The following CROCC2 variants were observed in gnomAD, a reference collection of about 807,000 sequenced individuals.
CROCC2 encodes the protein ciliary rootlet coiled-coil protein 2.
A neutral mutation model predicts 177.6 loss-of-function variants in CROCC2; 163 were observed. The ratio of observed to expected loss-of-function variants is 0.92; its 90% CI spans 0.81 to 1.05. CROCC2 has a LOEUF of 1.05. Ranked by LOEUF, CROCC2 falls within the 50% of genes least tolerant of loss-of-function variation. The probability of loss-of-function intolerance (pLI) is 0.00; values close to 1 mark genes in which losing one functional copy is unlikely to be tolerated. For missense variants in CROCC2, 1,929 were observed against 1,797.8 expected (o/e 1.07, Z -1.32); for synonymous variants, 904 against 787.3 (o/e 1.15, Z -2.48).
intron 20 of CROCC2, 63 bp from the exon 21 acceptor site, chr2:240,963,493 C>T: frequency 6.9e-7 from 1 of 1,439,510 alleles, no homozygotes; most frequent in South Asian, 1.4e-5. Flanking sequence ...GCCACAGGCC[C>T]CTGTGGCTAT....
chr2:240,970,301 T>A (rs1441637275), intron 27 of CROCC2, among the ~76,000 whole-genome samples: 6 of 152,228 alleles, frequency 3.9e-5, no homozygotes, highest in Non-Finnish European at 8.8e-5. Context: ...TTTTTTGGTG[T>A]TTGTGGTTTC....
At position 240,949,157 on chromosome 2, in the gene CROCC2, G is replaced by A. The variant is rs1350385055; in HGVS notation, c.2482+60G>A. On this transcript the variant is annotated intron_variant, in intron 16 of 31. Transcript: ENST00000690015. This position sits in a 1 kb window ranked among gnomAD's most constrained non-coding sequence, Gnocchi z 4.5. ...AAAGTCAGCCATGGAGGGGCCCCTG[G>A]AATGGAGCTCAGTGCCCACACGTGC... 1 of 1,472,432 alleles carries A rather than the reference G, an allele frequency of 6.8e-7. No homozygotes were observed. Among genetic ancestry groups the A allele is most frequent in the Non-Finnish European group, 9.0e-7 (1 of 1,114,570 alleles). The allele number at this position is 1,472,432 out of a possible 1,614,324, so 91.2% of individuals were successfully genotyped here.
At chr2:240,951,178 T>C (rs1277748116) in intron 18 of CROCC2, among the ~76,000 whole-genome samples, 1 of 150,906 alleles carries the variant, frequency 6.6e-6, no homozygotes, top group Non-Finnish European at 1.5e-5. Context: ...TACCCATTCA[T>C]CCATCCATCT....
At chr2:240,984,347 C>A (rs1477633399) in intron 28 of CROCC2, among the ~76,000 whole-genome samples, 1 of 152,006 alleles carries the variant, frequency 6.6e-6, no homozygotes, top group Non-Finnish European at 1.5e-5. Flanking sequence ...GGGCGCACAG[C>A]CGCCAGGTCG....
In CROCC2 at chr2:240,949,621, GC is replaced by G; in HGVS notation, c.2572del (p.Gln858ArgfsTer30). 6.4e-7 allele frequency: 1 copy of G among 1,550,504 alleles called. No homozygotes were observed. ...TVRLQRQVAQ[Q>X]EREAQRALES... The stretch of plus-strand genomic sequence containing the variant: ...TGCGGCTCCAGCGACAGGTGGCACA[GC>G]AGGAGCGGGAGGCACAGCGGGCCCT... On this transcript the variant is annotated frameshift_variant, in exon 17 of 32. Transcript: ENST00000690015. LOFTEE classifies it high-confidence loss of function. This position sits in a 1 kb window ranked among gnomAD's most constrained non-coding sequence, Gnocchi z 4.5.
At chr2:240,966,923 T>A (rs1289156211) in intron 25 of CROCC2, among the ~76,000 whole-genome samples, 1 of 151,662 alleles carries the variant, frequency 6.6e-6, no homozygotes, top group African/African-American at 2.4e-5. Flanking sequence ...GGGTCCTCTG[T>A]GCACACTCCT....
Position 240,933,699 on chromosome 2 carries a change from A to G in CROCC2, c.1493A>G (p.Glu498Gly). Residue 498 changes from glutamate to glycine, a missense_variant, in exon 11 of 32, where the codon GAG (glutamate) becomes GGG (glycine). Transcript: ENST00000690015. ...REKAALEMVV[E>G]ELKGKADAAD... ...AAGGCTGCTCTGGAGATGGTGGTGGAGGAGCTGAAAGGGAAGGCAGATGCT... is the reference window on the plus strand; with the variant it reads ...AAGGCTGCTCTGGAGATGGTGGTGGGGGAGCTGAAAGGGAAGGCAGATGCT... 1 of 1,550,310 alleles carries G rather than the reference A, an allele frequency of 6.5e-7. No individual in the cohort carries two copies. The highest frequency in any genetic ancestry group is 8.7e-7 in the Non-Finnish European group (1 of 1,146,836).
chr2:240,989,897 G>T, intron 30 of CROCC2, 64 bp downstream of exon 30: 1 of 1,439,338 alleles, frequency 6.9e-7, no homozygotes, highest in South Asian at 1.4e-5. Flanking sequence ...TGGCATCCCC[G>T]CAGTCACCCA....
In CROCC2 at chr2:240,935,530, A is replaced by T; in HGVS notation, c.2111A>T (p.Glu704Val). The change falls in exon 14 of 32, where the codon GAG becomes GTG. Residue 704 changes from glutamate to valine, a missense_variant. Glu to Val is a moderately radical substitution (Grantham distance 121). Transcript: ENST00000690015. ...GRLEQRQEQL[E>V]GQAALLGREK... ...CTGGAGCAGCGGCAGGAGCAGCTGG[A>T]GGGGCAGGCAGCCCTGCTGGGGCGA... The T allele has an allele frequency of 7.4e-7, 1 of 1,347,074 alleles. No homozygotes were observed. Among genetic ancestry groups the T allele is most frequent in the Non-Finnish European group, 9.5e-7 (1 of 1,047,198 alleles). The allele number at this position is 1,347,074 out of a possible 1,614,324, so 83.4% of individuals were successfully genotyped here. A position where few individuals can be genotyped will look rare whatever the true frequency, so the allele number is the denominator to read the frequency against.
At chr2:240,969,790 G>A (rs551175557) in intron 27 of CROCC2, among the ~76,000 whole-genome samples, 92 of 152,266 alleles carry the variant, frequency 6.0e-4, no homozygotes, top group African/African-American at 2.1e-3. Flanking sequence ...GAGTGCAGTG[G>A]CACCATCTTG....
chr2:240,961,801 A>AC lies in CROCC2; in HGVS notation c.3088-1755_3088-1754insC, dbSNP rs1359736270. ...ACTCATCACACACACGCACTCACAC[A>AC]TACACTCACATACACTCACACACAC... On this transcript the variant is annotated intron_variant, in intron 20 of 31. Transcript: ENST00000690015. Among the ~76,000 whole-genome samples the AC allele has an allele frequency of 4.3e-5, 3 of 69,630 alleles. 1 individual carries two copies. The highest frequency in any genetic ancestry group is 8.2e-5 in the Non-Finnish European group (3 of 36,648). The allele number at this position is 69,630 out of a possible 152,430, so 45.7% of individuals were successfully genotyped here.
At chr2:240,961,242 G>T (rs1200200880) in intron 20 of CROCC2, among the ~76,000 whole-genome samples, 1 of 152,058 alleles carries the variant, frequency 6.6e-6, no homozygotes, top group Admixed American at 6.5e-5. Flanking sequence ...GCACACACAT[G>T]CATACACATC....
chr2:240,986,184 A>G lies in CROCC2; in HGVS notation c.4552-2555A>G. 6 of 327,398 alleles carry G rather than the reference A, an allele frequency of 1.8e-5. 1 individual carries two copies. The highest frequency in any genetic ancestry group is 1.4e-4 in the South Asian group (6 of 42,836). The allele number at this position is 327,398 out of a possible 1,614,324, so 20.3% of individuals were successfully genotyped here. On this transcript the variant is annotated intron_variant, in intron 28 of 31. Coordinates refer to ENST00000690015, the MANE Select transcript of CROCC2 (RefSeq NM_001351305.2). ...GGAGAGGGTGGTGCATCACATGGGC[A>G]CATGGGCACAGCTCCCACCCACCCT...
At chr2:240,912,572 C>G (rs984149797) in intron 1 of CROCC2, among the ~76,000 whole-genome samples, 2 of 152,208 alleles carry the variant, frequency 1.3e-5, no homozygotes, top group Admixed American at 6.5e-5. Context: ...CCTCCAGGCC[C>G]CTGGGCACAC....
rs2059419225 is a variant in CROCC2 at position 240,930,237 on chromosome 2, A to G, written c.717A>G (p.Thr239=). 1 of 587,110 alleles carries G rather than the reference A, an allele frequency of 1.7e-6. No individual in the cohort carries two copies. The highest frequency in any genetic ancestry group is 2.2e-5 in the South Asian group (1 of 46,180). The allele number at this position is 587,110 out of a possible 1,614,324, so 36.4% of individuals were successfully genotyped here. ...GGAGACAGGCCGTGGTGCTGGGGACAGACCTGGCCGAGCTGCGTGTAGCCA... is the reference window on the plus strand; with the variant it reads ...GGAGACAGGCCGTGGTGCTGGGGACGGACCTGGCCGAGCTGCGTGTAGCCA... ...LLWRQAVVLG[T]DLAELRVATE... Residue 239 remains threonine (T), a synonymous_variant, in exon 6 of 32, where the codon ACA becomes ACG. Coordinates refer to ENST00000690015, the MANE Select transcript of CROCC2 (RefSeq NM_001351305.2).
intron 31 of CROCC2, among the ~76,000 whole-genome samples, chr2:240,992,387 G>A (rs1325898255): frequency 1.3e-5 from 2 of 152,228 alleles, no homozygotes; most frequent in African/African-American, 2.4e-5. Flanking sequence ...TTGGCTGAAT[G>A]TGCAACAGTG....
rs1358010160 is a variant in CROCC2 at position 240,958,051 on chromosome 2, A to C, written c.2944-1250A>C. ...GGACTCGGTACCAGGCCTGCCAGCC[A>C]GCCGGCCTTCCTGGGGAGCTCGTTA... is the stretch of plus-strand genomic sequence containing the variant. On this transcript the variant is annotated intron_variant, in intron 19 of 31. Transcript: ENST00000690015. This position sits in a 1 kb window ranked among gnomAD's most constrained non-coding sequence, Gnocchi z 6.7. The C allele has an allele frequency of 1.0e-6, 1 of 985,286 alleles. No homozygotes were observed. The highest frequency in any genetic ancestry group is 1.2e-6 in the Non-Finnish European group (1 of 829,928). The allele number at this position is 985,286 out of a possible 1,614,324, so 61.0% of individuals were successfully genotyped here. A position where few individuals can be genotyped will look rare whatever the true frequency, so the allele number is the denominator to read the frequency against.
At position 240,972,952 on chromosome 2, in the gene CROCC2, A is replaced by C. The variant is rs1313734163; in HGVS notation, c.4401+4690A>C. Among the ~76,000 whole-genome samples the C allele has an allele frequency of 1.3e-5, 2 of 152,056 alleles. No homozygotes were observed. Among genetic ancestry groups the C allele is most frequent in the Non-Finnish European group, 2.9e-5 (2 of 67,998 alleles). Reference sequence around the variant, plus strand: ...CAGGGTTGAAATTTTCTAGCCAGCCAGGGGGCTGGGAACATAGCCATGCTC... The same window carrying C: ...CAGGGTTGAAATTTTCTAGCCAGCCCGGGGGCTGGGAACATAGCCATGCTC... On this transcript the variant is annotated intron_variant, in intron 27 of 31. Transcript: ENST00000690015. This position sits in a 1 kb window ranked among gnomAD's most constrained non-coding sequence, Gnocchi z 7.1.
At chr2:240,991,714 C>G (rs2059880863) in intron 31 of CROCC2, among the ~76,000 whole-genome samples, 1 of 152,246 alleles carries the variant, frequency 6.6e-6, no homozygotes, top group Non-Finnish European at 1.5e-5. Flanking sequence ...CCCCGCCTGG[C>G]ACTCCGTTTC....
Sources: allele counts gnomAD v4.1 joint callset (sites outside exome capture counted in the v4.1 genomes callset), GRCh38; gene constraint gnomAD v4.1.1; non-coding constraint Gnocchi (gnomAD v3.1); transcripts MANE v1.5; gene names NCBI Gene and HGNC (gene_info 2026-07-23, HGNC 2026-07-21).